SEC13: variants seen among roughly 807,000 people sequenced by gnomAD.
The protein encoded by SEC13 is SEC13 homolog, nuclear pore and COPII component.
A neutral mutation model predicts 49.2 loss-of-function variants in SEC13; 25 were observed. That is an observed-to-expected ratio of 0.51 (90% CI 0.37 to 0.71). SEC13 has a LOEUF of 0.71. Ranked by LOEUF, SEC13 falls within the 30% of genes least tolerant of loss-of-function variation. The pLI, the probability that SEC13 is intolerant of heterozygous loss-of-function variation, is 0.00. For synonymous variants in SEC13, 148 were observed against 163.9 expected (o/e 0.90, Z 0.74); for missense variants, 383 against 417.6 (o/e 0.92, Z 0.72).
At chr3:10,315,732 A>T (rs756410841) in intron 2 of SEC13, among the ~76,000 whole-genome samples, 3 of 152,068 alleles carry the variant, frequency 2.0e-5, no homozygotes, top group Non-Finnish European at 4.4e-5. Flanking sequence ...TGGGAGAAAA[A>T]AAGTTGGCCT....
intron 8 of SEC13, among the ~76,000 whole-genome samples, chr3:10,301,995 A>G (rs1476450206): frequency 2.0e-5 from 3 of 152,134 alleles, no homozygotes; most frequent in Non-Finnish European, 2.9e-5. Context: ...TAATCTCAGC[A>G]CTTTGGGAGG....
chr3:10,316,320 C>T (rs1701602649), intron 2 of SEC13, among the ~76,000 whole-genome samples: 1 of 152,218 alleles, frequency 6.6e-6, no homozygotes, highest in South Asian at 2.1e-4. Flanking sequence ...GCTGCACTCC[C>T]ATGGCCACCA....
chr3:10,311,407 T>G (rs1238763556), intron 5 of SEC13, among the ~76,000 whole-genome samples: 1 of 152,224 alleles, frequency 6.6e-6, no homozygotes, highest in African/African-American at 2.4e-5. Context: ...GATGTGGCAT[T>G]AGTCATATGA....
At position 10,301,312 on chromosome 3, in the gene SEC13, G is replaced by A; in HGVS notation, c.918C>T (p.Gly306=). The A allele has an allele frequency of 1.2e-6, 2 of 1,614,118 alleles. No homozygotes were observed. The highest frequency in any genetic ancestry group is 1.7e-6 in the Non-Finnish European group (2 of 1,180,026). ...QWVCISDVNK[G]QGSVSASVTE... ...TCACTGATGCTGATACGGAGCCCTGGCCCTTGTTGACATCACTGATGCACA... is the reference window on the plus strand; with the variant it reads ...TCACTGATGCTGATACGGAGCCCTGACCCTTGTTGACATCACTGATGCACA... Residue 306 remains glycine, a synonymous_variant, in exon 9 of 9, where the codon GGC becomes GGT. Coordinates refer to ENST00000350697, the MANE Select transcript of SEC13 (RefSeq NM_183352.3).
intron 8 of SEC13, 150 bp from the exon 9 acceptor site, chr3:10,301,524 A>T: frequency 1.0e-6 from 1 of 976,176 alleles, no homozygotes; most frequent in South Asian, 1.6e-5. Context: ...TCTCACCAAA[A>T]TGAGAGTCCA....
chr3:10,317,511 T>G (rs139172034), intron 2 of SEC13, among the ~76,000 whole-genome samples: 1 of 152,208 alleles, frequency 6.6e-6, no homozygotes, highest in East Asian at 1.9e-4. Context: ...CTGAGCCTTG[T>G]GTTTACCTCT....
chr3:10,308,772 G>T (rs1265912620), intron 5 of SEC13, among the ~76,000 whole-genome samples: 1 of 140,322 alleles, frequency 7.1e-6, no homozygotes, highest in Admixed American at 7.2e-5. Context: ...ATATCTTTTT[G>T]TTGGTGATGC....
rs1419010842 is a variant in SEC13, at chr3:10,305,583, C to T, written c.560G>A (p.Cys187Tyr). 1 of 1,613,984 alleles carries T rather than the reference C, an allele frequency of 6.2e-7. No individual in the cohort carries two copies. The highest frequency in any genetic ancestry group is 1.1e-5 in the South Asian group (1 of 91,086). Residue 187 changes from cysteine (C) to tyrosine (Y), a missense_variant, in exon 6 of 9, where the codon TGT (cysteine) becomes TAT (tyrosine). Coordinates refer to ENST00000350697, the MANE Select transcript of SEC13 (RefSeq NM_183352.3). ...NYIKRFASGG[C>Y]DNLIKLWKEE... ...CTTCCACAGCTTGATGAGGTTGTCA[C>T]AGCCACCTGATGCAAACCTCTTGAT...
chr3:10,318,873 A>G (rs1356912614), intron 1 of SEC13, among the ~76,000 whole-genome samples: 3 of 152,232 alleles, frequency 2.0e-5, no homozygotes, highest in Non-Finnish European at 4.4e-5. Context: ...CAAGGAACAC[A>G]TACAACACTT....
Position 10,301,003 on chromosome 3 carries a change from C to A in SEC13, c.*258G>T. The A allele has an allele frequency of 1.4e-6, 2 of 1,389,046 alleles. No individual in the cohort carries two copies. The highest frequency in any genetic ancestry group is 1.2e-5 in the South Asian group (1 of 80,900). The allele number at this position is 1,389,046 out of a possible 1,614,324, so 86.0% of individuals were successfully genotyped here. Reference sequence around the variant, plus strand: ...CAAATAATGCCTGAACCCAAAGGTACATAAAAATGACCCAAAATAGATTTG... The same window carrying A: ...CAAATAATGCCTGAACCCAAAGGTAAATAAAAATGACCCAAAATAGATTTG... On this transcript the variant is annotated 3_prime_UTR_variant, in exon 9 of 9. Transcript: ENST00000350697.
rs1181171829 is a variant in SEC13, at chr3:10,321,007, C to T, written c.3+43G>A. 6.2e-7 allele frequency: 1 copy of T among 1,608,878 alleles called. No homozygotes were observed. The highest frequency in any genetic ancestry group is 1.3e-5 in the African/African-American group (1 of 74,168). Reference sequence around the variant, plus strand: ...CCGAGGAACCCGTGAAGGCCGCGACCGTGGCCTTCACCCTGCTAGGCCTCC... The same window carrying T: ...CCGAGGAACCCGTGAAGGCCGCGACTGTGGCCTTCACCCTGCTAGGCCTCC... On this transcript the variant is annotated intron_variant, in intron 1 of 8. Coordinates refer to ENST00000350697, the MANE Select transcript of SEC13 (RefSeq NM_183352.3). The surrounding 1 kb of genome is among the most constrained non-coding windows in gnomAD (Gnocchi z 4.1).
intron 3 of SEC13, chr3:10,314,890 G>A (rs963335297): frequency 4.5e-5 from 7 of 156,602 alleles, no homozygotes; most frequent in Non-Finnish European, 8.5e-5. Flanking sequence ...AAACTTGAAC[G>A]AAATGGTACT....
At chr3:10,312,204 T>C (rs969530676) in intron 4 of SEC13, 106 bp from the exon 5 acceptor site, 9 of 1,455,338 alleles carry the variant, frequency 6.2e-6, no homozygotes, top group Non-Finnish European at 7.2e-6. Flanking sequence ...CAAACAACTG[T>C]AGGAGTCACC....
chr3:10,304,096 T>C lies in SEC13; in HGVS notation c.785A>G (p.Asn262Ser). The part of the protein sequence containing the change: ...TWSPKLLHKF[N>S]DVVWHVSWSI... Reference sequence around the variant, plus strand: ...CCAGCTCACATGCCACACCACATCGTTGAACTTGTGCAACAATTTAGGGGA... The same window carrying C: ...CCAGCTCACATGCCACACCACATCGCTGAACTTGTGCAACAATTTAGGGGA... Residue 262 changes from asparagine to serine, a missense_variant, in exon 8 of 9, where the codon AAC (asparagine) becomes AGC (serine). Asn to Ser is a conservative substitution (Grantham distance 46, BLOSUM62 1). Coordinates refer to ENST00000350697, the MANE Select transcript of SEC13 (RefSeq NM_183352.3). 6.2e-7 allele frequency: 1 copy of C among 1,614,154 alleles called. No individual in the cohort carries two copies. Among genetic ancestry groups the C allele is most frequent in the Non-Finnish European group, 8.5e-7 (1 of 1,180,020 alleles).
intron 5 of SEC13, among the ~76,000 whole-genome samples, chr3:10,307,773 T>A (rs1700982063): frequency 6.6e-6 from 1 of 152,062 alleles, no homozygotes; most frequent in Non-Finnish European, 1.5e-5. Flanking sequence ...TTTGCCATGT[T>A]GGCCAGGCTG....
intron 3 of SEC13, chr3:10,312,941 G>GC (rs1281043169): frequency 1.3e-5 from 7 of 520,794 alleles, no homozygotes; most frequent in Admixed American, 3.3e-5. Context: ...AGGTCACAGA[G>GC]CCTTTGAGAG....
intron 5 of SEC13, chr3:10,306,051 G>T: frequency 5.5e-6 from 1 of 182,664 alleles, no homozygotes; most frequent in East Asian, 1.3e-4. Context: ...GAAAAGCCCT[G>T]TCATTATGCC....
chr3:10,303,853 T>A, intron 8 of SEC13, 173 bp downstream of exon 8: 1 of 683,928 alleles, frequency 1.5e-6, no homozygotes, highest in Non-Finnish European at 2.6e-6. Flanking sequence ...GTGTTAATAC[T>A]ACCTCAGGGG....
chr3:10,312,861 C>T, intron 3 of SEC13, 131 bp from the exon 4 acceptor site: 1 of 886,878 alleles, frequency 1.1e-6, no homozygotes, highest in Non-Finnish European at 1.7e-6. Flanking sequence ...GAGAACTATA[C>T]AATGCCATTG....
Sources: allele counts gnomAD v4.1 joint callset (sites outside exome capture counted in the v4.1 genomes callset), GRCh38; gene constraint gnomAD v4.1.1; non-coding constraint Gnocchi (gnomAD v3.1); transcripts MANE v1.5; gene names NCBI Gene and HGNC (gene_info 2026-07-23, HGNC 2026-07-21).